Variants in LRRC4C observed in about 807,000 individuals in gnomAD.
The protein encoded by LRRC4C is leucine-rich repeat-containing protein 4C.
A neutral mutation model predicts 33.6 loss-of-function variants in LRRC4C; 5 were observed. That is an observed-to-expected ratio of 0.15 (90% confidence interval 0.08 to 0.31). The LOEUF is 0.31. Among genes scored for constraint, LRRC4C ranks in the 10% least tolerant of loss-of-function variants. The pLI is 1.00. For synonymous variants in LRRC4C, 329 were observed against 302.0 expected (o/e 1.09, Z -0.93); for missense variants, 560 against 796.7 (o/e 0.70, Z 3.58).
intron 1 of LRRC4C, among the ~76,000 whole-genome samples, chr11:41,395,215 T>C (rs1423791731): frequency 6.6e-6 from 1 of 152,122 alleles, no homozygotes; most frequent in Admixed American, 6.6e-5. Flanking sequence ...GCGCCTATTC[T>C]TGAGCACATG....
intron 1 of LRRC4C, among the ~76,000 whole-genome samples, chr11:41,135,351 G>A (rs149415896): frequency 6.6e-6 from 1 of 152,282 alleles, no homozygotes; most frequent in East Asian, 1.9e-4. Flanking sequence ...AGGAGCTAGG[G>A]AAGGAGAGAG....
chr11:40,364,958 C>CA (rs1274267965), intron 3 of LRRC4C, among the ~76,000 whole-genome samples: 1 of 151,424 alleles, frequency 6.6e-6, no homozygotes, highest in Non-Finnish European at 1.5e-5. Flanking sequence ...CTATATTTAG[C>CA]AAAAATATCT....
At chr11:40,462,981 G>GC in intron 3 of LRRC4C, among the ~76,000 whole-genome samples, 1 of 123,524 alleles carries the variant, frequency 8.1e-6, no homozygotes, top group East Asian at 2.9e-4. Flanking sequence ...CAGATCATCC[G>GC]TAATATGAAG....
chr11:40,300,904 C>T (rs954731735), intron 4 of LRRC4C, among the ~76,000 whole-genome samples: 2 of 152,136 alleles, frequency 1.3e-5, no homozygotes, highest in Non-Finnish European at 2.9e-5. Context: ...CGGGCTCAAG[C>T]GATTCTCTCA....
chr11:41,326,618 G>A (rs993655070), intron 1 of LRRC4C, among the ~76,000 whole-genome samples: 1 of 152,166 alleles, frequency 6.6e-6, no homozygotes, highest in African/African-American at 2.4e-5. Context: ...TTAAGAATGA[G>A]TGATGTAGAT....
intron 2 of LRRC4C, among the ~76,000 whole-genome samples, chr11:40,905,314 C>A (rs1278039654): frequency 1.3e-5 from 2 of 151,946 alleles, no homozygotes; most frequent in Non-Finnish European, 2.9e-5. Flanking sequence ...CCCAGTTTCA[C>A]GTGTCTAAGT....
At chr11:40,711,541 T>C (rs1946465922) in intron 2 of LRRC4C, among the ~76,000 whole-genome samples, 3 of 152,136 alleles carry the variant, frequency 2.0e-5, no homozygotes, top group African/African-American at 7.2e-5. Flanking sequence ...ATAATACATA[T>C]GTAGAATTTT....
At chr11:40,994,550 C>A (rs1408395264) in intron 1 of LRRC4C, among the ~76,000 whole-genome samples, 2 of 152,088 alleles carry the variant, frequency 1.3e-5, no homozygotes, top group African/African-American at 4.8e-5. Context: ...TAGTTGAAAA[C>A]CCTGGTGATG....
At chr11:40,386,641 C>T (rs1488805272) in intron 3 of LRRC4C, among the ~76,000 whole-genome samples, 1 of 152,100 alleles carries the variant, frequency 6.6e-6, no homozygotes, top group Non-Finnish European at 1.5e-5. Context: ...CTGCCTCTAT[C>T]CCTCTTTGTT....
At chr11:40,225,495 G>A (rs1864721978) in intron 5 of LRRC4C, among the ~76,000 whole-genome samples, 1 of 152,084 alleles carries the variant, frequency 6.6e-6, no homozygotes. Flanking sequence ...TTTGAGTGAA[G>A]CTACCTAACT....
intron 4 of LRRC4C, among the ~76,000 whole-genome samples, chr11:40,305,620 A>G (rs1012287385): frequency 6.6e-6 from 1 of 152,128 alleles, no homozygotes; most frequent in Non-Finnish European, 1.5e-5. Context: ...AAAAAAAAAA[A>G]AAAGGAAGAA....
At chr11:41,020,598 G>GC (rs1441959216) in intron 1 of LRRC4C, among the ~76,000 whole-genome samples, 2 of 152,040 alleles carry the variant, frequency 1.3e-5, no homozygotes, top group African/African-American at 2.4e-5. Flanking sequence ...ATTGCTAGCA[G>GC]CCCCCCAAAG....
intron 3 of LRRC4C, among the ~76,000 whole-genome samples, chr11:40,551,964 G>T (rs1332876724): frequency 3.3e-5 from 5 of 152,188 alleles, no homozygotes; most frequent in Non-Finnish European, 1.5e-5. Flanking sequence ...TCCACAATAT[G>T]AGTGATCCTC....
intron 2 of LRRC4C, among the ~76,000 whole-genome samples, chr11:40,761,160 G>A (rs946187343): frequency 3.9e-5 from 6 of 151,976 alleles, no homozygotes; most frequent in African/African-American, 7.2e-5. Flanking sequence ...AGTGTTCGCC[G>A]CACCTGATCT....
chr11:40,489,807 G>T (rs1179854303), intron 3 of LRRC4C, among the ~76,000 whole-genome samples: 7 of 152,070 alleles, frequency 4.6e-5, no homozygotes, highest in African/African-American at 1.7e-4. Context: ...AGACAAATAG[G>T]ATACTTTTAT....
intron 5 of LRRC4C, among the ~76,000 whole-genome samples, chr11:40,169,565 A>G (rs1316120136): frequency 6.6e-6 from 1 of 152,190 alleles, no homozygotes; most frequent in Admixed American, 6.6e-5. Flanking sequence ...AACTATATAT[A>G]TGCACAGATT....
intron 1 of LRRC4C, among the ~76,000 whole-genome samples, chr11:41,298,510 G>C (rs1227191878): frequency 6.6e-6 from 1 of 152,002 alleles, no homozygotes; most frequent in Non-Finnish European, 1.5e-5. Context: ...ATGGGCAACA[G>C]GCAGTATCCA....
In LRRC4C at chr11:40,858,692, T is replaced by TAAAA. The variant is rs201131448; in HGVS notation, c.-407+74939_-407+74942dup. On this transcript the variant is annotated intron_variant, in intron 2 of 6. Transcript: ENST00000528697. The stretch of plus-strand genomic sequence containing the variant: ...CTGGTAACAGAGTGAGACTCCTTCT[T>TAAAA]AAAAAAAAAAAAAAAAAAAAAAAAA... Among the ~76,000 whole-genome samples the TAAAA allele has an allele frequency of 3.2e-3, 260 of 80,162 alleles. 2 individuals carry two copies. The highest frequency in any genetic ancestry group is 0.013 in the African/African-American group (244 of 18,422). 52.6% of individuals were successfully genotyped at this position (80,162 alleles called of 152,430 possible).
chr11:40,581,440 T>G (rs369404992), intron 3 of LRRC4C, among the ~76,000 whole-genome samples: 27 of 152,358 alleles, frequency 1.8e-4, no homozygotes, highest in African/African-American at 6.0e-4. Context: ...ACCTCGCTCA[T>G]GTTCTTAGCA....
Sources: allele counts gnomAD v4.1 joint callset (sites outside exome capture counted in the v4.1 genomes callset), GRCh38; gene constraint gnomAD v4.1.1; transcripts MANE v1.5; gene names NCBI Gene and HGNC (gene_info 2026-07-23, HGNC 2026-07-21).